DPYSL5: variants seen among roughly 807,000 people sequenced by gnomAD.
DPYSL5 encodes dihydropyrimidinase-related protein 5.
In DPYSL5, 9 loss-of-function variants were observed where a neutral mutation model predicts 58.4. That is an observed-to-expected ratio of 0.15 (90% CI 0.09 to 0.27). The LOEUF (loss-of-function observed/expected upper bound fraction) is 0.27, where lower values mean the gene tolerates loss of function less well. Ranked by LOEUF, DPYSL5 falls within the 10% of genes least tolerant of loss-of-function variation. The probability of loss-of-function intolerance (pLI) is 1.00; values close to 1 mark genes in which losing one functional copy is unlikely to be tolerated. For synonymous variants in DPYSL5, 293 were observed against 301.9 expected, an observed-to-expected ratio of 0.97 and a Z score of 0.31; for missense variants, 499 against 770.6, an observed-to-expected ratio of 0.65 and a Z score of 4.17.
intron 2 of DPYSL5, among the ~76,000 whole-genome samples, chr2:26,908,483 T>C (rs1472374780): frequency 6.6e-6 from 1 of 152,196 alleles, no homozygotes; most frequent in Non-Finnish European, 1.5e-5. Context: ...ACGTGTACAT[T>C]AATTGGTAGG....
rs917799832 is a variant in DPYSL5 at position 26,944,830 on chromosome 2, A to G, written c.1609+6A>G. ...ATCCAGCTTCAGCCTCTCTGGTAAG[A>G]GTCAGGGGGCCACGGGAGGAGGATG... On this transcript the variant is annotated splice_donor_region_variant and intron_variant, in intron 12 of 12. Coordinates refer to ENST00000288699, the MANE Select transcript of DPYSL5 (RefSeq NM_020134.4). The surrounding 1 kb of genome is among the most constrained non-coding windows in gnomAD (Gnocchi z 4.4). 6.2e-7 allele frequency: 1 copy of G among 1,613,610 alleles called. No individual in the cohort carries two copies. The highest frequency in any genetic ancestry group is 1.7e-5 in the Admixed American group (1 of 59,972).
chr2:26,874,000 C>G (rs1663338898), intron 1 of DPYSL5, among the ~76,000 whole-genome samples: 1 of 152,168 alleles, frequency 6.6e-6, no homozygotes. Context: ...TTGCATTTCC[C>G]TGATAACCAA....
At position 26,934,794 on chromosome 2, in the gene DPYSL5, G is replaced by A; in HGVS notation, c.947+60G>A. Reference sequence around the variant, plus strand: ...TACATCTTTAGGAAGACGTCATAGAGGGCCCAGGAAACAAATCTGAGCTAG... The same window carrying A: ...TACATCTTTAGGAAGACGTCATAGAAGGCCCAGGAAACAAATCTGAGCTAG... On this transcript the variant is annotated intron_variant, in intron 8 of 12. Coordinates refer to ENST00000288699, the MANE Select transcript of DPYSL5 (RefSeq NM_020134.4). This position sits in a 1 kb window ranked among gnomAD's most constrained non-coding sequence, Gnocchi z 4.3. 6.3e-7 allele frequency: 1 copy of A among 1,586,862 alleles called. No homozygotes were observed. The highest frequency in any genetic ancestry group is 8.6e-7 in the Non-Finnish European group (1 of 1,164,204).
intron 8 of DPYSL5, among the ~76,000 whole-genome samples, chr2:26,937,312 GAATCCCTTTTT>G (rs1665205569): frequency 6.6e-6 from 1 of 152,042 alleles, no homozygotes; most frequent in African/African-American, 2.4e-5. Context: ...ATAATAGTCT[GAATCCCTTTTT>G]AATCCCTTTT....
chr2:26,856,838 C>T (rs1665890000), intron 1 of DPYSL5, among the ~76,000 whole-genome samples: 1 of 145,794 alleles, frequency 6.9e-6, no homozygotes, highest in Non-Finnish European at 1.5e-5. Flanking sequence ...AAAAGTAGAA[C>T]TTTAAGCTAT....
chr2:26,878,598 T>C (rs1663471559), intron 1 of DPYSL5, among the ~76,000 whole-genome samples: 1 of 152,244 alleles, frequency 6.6e-6, no homozygotes, highest in Admixed American at 6.5e-5. Context: ...TCTATGTTTT[T>C]TTCTAGCATT....
Position 26,934,559 on chromosome 2 carries a change from C to T in DPYSL5, c.791-19C>T. 1 of 1,610,178 alleles carries T rather than the reference C, an allele frequency of 6.2e-7. No individual in the cohort carries two copies. Among genetic ancestry groups the T allele is most frequent in the Non-Finnish European group, 8.5e-7 (1 of 1,178,904 alleles). ...GTTCGGTGGCTTCCTGGTTATGGTT[C>T]TGACCTTTCTTCTTCCAGGGAAGGT... On this transcript the variant is annotated intron_variant, in intron 7 of 12. Coordinates refer to ENST00000288699, the MANE Select transcript of DPYSL5 (RefSeq NM_020134.4). This position sits in a 1 kb window ranked among gnomAD's most constrained non-coding sequence, Gnocchi z 4.3.
In DPYSL5 at chr2:26,942,770, A is replaced by G; in HGVS notation, c.1440+20A>G. The G allele has an allele frequency of 6.2e-7, 1 of 1,608,172 alleles. No homozygotes were observed. The highest frequency in any genetic ancestry group is 8.5e-7 in the Non-Finnish European group (1 of 1,175,338). Reference sequence around the variant, plus strand: ...GAGAAGGTGAGGTGGGAGGAGGAAGATGCAGGGGTGTTGGCGCCCCCTGCC... The same window carrying G: ...GAGAAGGTGAGGTGGGAGGAGGAAGGTGCAGGGGTGTTGGCGCCCCCTGCC... On this transcript the variant is annotated intron_variant, in intron 11 of 12. Coordinates refer to ENST00000288699, the MANE Select transcript of DPYSL5 (RefSeq NM_020134.4). The surrounding 1 kb of genome is among the most constrained non-coding windows in gnomAD (Gnocchi z 5.9).
At chr2:26,851,820 C>G (rs1194047005) in intron 1 of DPYSL5, among the ~76,000 whole-genome samples, 1 of 152,114 alleles carries the variant, frequency 6.6e-6, no homozygotes, top group Non-Finnish European at 1.5e-5. Context: ...TGGCGCACAC[C>G]TGTAGTCCCA....
chr2:26,860,913 G>A (rs1221369686), intron 1 of DPYSL5, among the ~76,000 whole-genome samples: 1 of 152,196 alleles, frequency 6.6e-6, no homozygotes, highest in African/African-American at 2.4e-5. Flanking sequence ...AGGGGTCAGG[G>A]AGGAGCTGGG....
At chr2:26,885,107 G>C (rs932423016) in intron 1 of DPYSL5, among the ~76,000 whole-genome samples, 5 of 152,148 alleles carry the variant, frequency 3.3e-5, no homozygotes, top group Non-Finnish European at 7.4e-5. Flanking sequence ...GCTGAGGCAG[G>C]GGAATTGCTT....
At position 26,934,772 on chromosome 2, in the gene DPYSL5, A is replaced by G. The variant is rs375546725; in HGVS notation, c.947+38A>G. On this transcript the variant is annotated intron_variant, in intron 8 of 12. Transcript: ENST00000288699. The surrounding 1 kb of genome is among the most constrained non-coding windows in gnomAD (Gnocchi z 4.3). Reference sequence around the variant, plus strand: ...AGCAGCACATTGCAGGGATGTGTACATCTTTAGGAAGACGTCATAGAGGGC... The same window carrying G: ...AGCAGCACATTGCAGGGATGTGTACGTCTTTAGGAAGACGTCATAGAGGGC... The G allele has an allele frequency of 2.2e-5, 35 of 1,607,436 alleles. No homozygotes were observed. The highest frequency in any genetic ancestry group is 1.7e-4 in the Middle Eastern group (1 of 6,042).
At chr2:26,900,829 T>C (rs926717592) in intron 2 of DPYSL5, among the ~76,000 whole-genome samples, 4 of 151,864 alleles carry the variant, frequency 2.6e-5, no homozygotes, top group African/African-American at 9.7e-5. Context: ...TTTGGAGGAG[T>C]CCTTTAGGCC....
At chr2:26,904,646 T>G (rs2148141790) in intron 2 of DPYSL5, among the ~76,000 whole-genome samples, 1 of 152,314 alleles carries the variant, frequency 6.6e-6, no homozygotes. Flanking sequence ...CTCATGCCAC[T>G]AATCCCAGCA....
intron 1 of DPYSL5, among the ~76,000 whole-genome samples, chr2:26,857,464 C>T (rs112523561): frequency 0.39 from 59,721 of 151,530 alleles, 12,061 homozygotes; most frequent in Admixed American, 0.48. Flanking sequence ...CGCTTGAACC[C>T]GGGAGGTGGA....
chr2:26,861,926 GC>G (rs1366219671), intron 1 of DPYSL5, among the ~76,000 whole-genome samples: 1 of 152,086 alleles, frequency 6.6e-6, no homozygotes, highest in East Asian at 1.9e-4. Flanking sequence ...GACTCTTTTT[GC>G]TTGATGAAGT....
At chr2:26,929,259 T>C (rs1189567163) in intron 5 of DPYSL5, among the ~76,000 whole-genome samples, 1 of 151,774 alleles carries the variant, frequency 6.6e-6, no homozygotes, top group Non-Finnish European at 1.5e-5. Flanking sequence ...TGAGATGGAG[T>C]CTCGCTCTTG....
chr2:26,902,820 A>G (rs1006880191), intron 2 of DPYSL5, among the ~76,000 whole-genome samples: 5 of 152,194 alleles, frequency 3.3e-5, no homozygotes, highest in Non-Finnish European at 7.3e-5. Context: ...AGGTCCCACC[A>G]AAACCAAGAG....
At chr2:26,858,213 C>A (rs1665925843) in intron 1 of DPYSL5, among the ~76,000 whole-genome samples, 1 of 147,118 alleles carries the variant, frequency 6.8e-6, no homozygotes, top group Non-Finnish European at 1.5e-5. Flanking sequence ...TCTCTGTCAC[C>A]CAGGCTGGAG....
Sources: allele counts gnomAD v4.1 joint callset (sites outside exome capture counted in the v4.1 genomes callset), GRCh38; gene constraint gnomAD v4.1.1; non-coding constraint Gnocchi (gnomAD v3.1); transcripts MANE v1.5; gene names NCBI Gene and HGNC (gene_info 2026-07-23, HGNC 2026-07-21).